LIMK1: variants seen among roughly 807,000 people sequenced by gnomAD.
LIMK1 encodes the protein LIM motif-containing protein kinase.
Under a neutral mutation model 77.6 loss-of-function variants are expected in LIMK1, and 21 were observed. The observed-to-expected ratio is 0.27, with a 90% CI of 0.19 to 0.39. The LOEUF is 0.39. Ranked by LOEUF, LIMK1 falls within the 10% of genes least tolerant of loss-of-function variation. The pLI, the probability that LIMK1 is intolerant of heterozygous loss-of-function variation, is 1.00. For synonymous variants in LIMK1, 358 were observed against 370.0 expected (o/e 0.97, Z 0.37); for missense variants, 696 against 901.6 (o/e 0.77, Z 2.92).
intron 1 of LIMK1, 24 bp from the exon 2 acceptor site, chr7:74,085,724 C>T: frequency 6.5e-7 from 1 of 1,545,532 alleles, no homozygotes; most frequent in Non-Finnish European, 8.7e-7. Flanking sequence ...GAGAATGCTT[C>T]CCAACTCCCT....
intron 2 of LIMK1, chr7:74,093,277 C>T (rs556245372): frequency 3.3e-6 from 5 of 1,536,020 alleles, no homozygotes; most frequent in African/African-American, 1.4e-5. Flanking sequence ...CCCAAGAAGA[C>T]GCCGCTTCCT....
chr7:74,089,222 A>G (rs1213904862), intron 2 of LIMK1, among the ~76,000 whole-genome samples: 1 of 152,168 alleles, frequency 6.6e-6, no homozygotes, highest in Non-Finnish European at 1.5e-5. Context: ...CAGAGTAGGA[A>G]AGGCAGGGGC....
intron 1 of LIMK1, among the ~76,000 whole-genome samples, 182 bp from the exon 2 acceptor site, chr7:74,085,566 A>T (rs1376119580): frequency 6.6e-6 from 1 of 152,330 alleles, no homozygotes; most frequent in Middle Eastern, 3.4e-3. Context: ...TCTCAGCAAG[A>T]CTCAGGCCAG....
chr7:74,087,483 G>C (rs1799155786), intron 2 of LIMK1, among the ~76,000 whole-genome samples: 1 of 152,128 alleles, frequency 6.6e-6, no homozygotes, highest in Admixed American at 6.6e-5. Context: ...CAAGGTTCAG[G>C]GGAGAAAACT....
intron 13 of LIMK1, among the ~76,000 whole-genome samples, chr7:74,119,004 T>G (rs1298972913): frequency 1.3e-5 from 2 of 151,982 alleles, no homozygotes; most frequent in African/African-American, 4.8e-5. Flanking sequence ...CACACCATTC[T>G]CCTGCCTCAG....
chr7:74,099,176 T>C lies in LIMK1; in HGVS notation c.546T>C (p.Ile182=), dbSNP rs2115672015. ...GCAAGCGTGGACTTTCAGTCTCCATTGACCCCCCGCACGGCCCACCGGGCT... is the reference window on the plus strand; with the variant it reads ...GCAAGCGTGGACTTTCAGTCTCCATCGACCCCCCGCACGGCCCACCGGGCT... ...SHGKRGLSVS[I]DPPHGPPGCG... Residue 182 remains isoleucine, a synonymous_variant, in exon 5 of 16, where the codon ATT becomes ATC. Transcript: ENST00000336180. 3 of 1,612,732 alleles carry C rather than the reference T, an allele frequency of 1.9e-6. No homozygotes were observed. The highest frequency in any genetic ancestry group is 1.3e-5 in the African/African-American group (1 of 75,040).
chr7:74,092,502 G>C (rs111893436), intron 2 of LIMK1, among the ~76,000 whole-genome samples: 1 of 152,240 alleles, frequency 6.6e-6, no homozygotes, highest in African/African-American at 2.4e-5. Flanking sequence ...TTGTCACTCC[G>C]GGGCCTGCCC....
At chr7:74,112,983 C>G (rs1799734540) in intron 12 of LIMK1, among the ~76,000 whole-genome samples, 1 of 151,996 alleles carries the variant, frequency 6.6e-6, no homozygotes, top group African/African-American at 2.4e-5. Context: ...GTATTCGTGT[C>G]CTGGGGCTGC....
rs782119868 is a variant in LIMK1, at chr7:74,108,907, G to A, written c.1155G>A (p.Val385=). 1 of 1,613,608 alleles carries A rather than the reference G, an allele frequency of 6.2e-7. No homozygotes were observed. Among genetic ancestry groups the A allele is most frequent in the Admixed American group, 1.7e-5 (1 of 59,988 alleles). Residue 385 remains valine, a splice_region_variant and synonymous_variant, in exon 10 of 16, where the codon GTG becomes GTA. Transcript: ENST00000336180. ...EETQRTFLKE[V]KVMRCLEHPN... ...CCAGCCTGTTTGTGCCCCGCCAGGTGAAGGTCATGCGATGCCTGGAACACC... is the reference window on the plus strand; with the variant it reads ...CCAGCCTGTTTGTGCCCCGCCAGGTAAAGGTCATGCGATGCCTGGAACACC...
rs782222165 is a variant in LIMK1 at position 74,115,852 on chromosome 7, C to T, written c.1461C>T (p.Asp487=). Residue 487 remains aspartate, a synonymous_variant, in exon 13 of 16, where the codon GAC becomes GAT. Coordinates refer to ENST00000336180, the MANE Select transcript of LIMK1 (RefSeq NM_002314.4). ...ADFGLARLMV[D]EKTQPEGLRS... is the part of the protein sequence containing the mutation. ...TCGGGCTGGCGCGTCTCATGGTGGA[C>T]GAGAAGACTCAGCCTGAGGGCCTGC... 64 of 1,613,984 alleles carry T rather than the reference C, an allele frequency of 4.0e-5. No homozygotes were observed. Among genetic ancestry groups the T allele is most frequent in the South Asian group, 2.2e-4 (20 of 91,082 alleles).
At chr7:74,088,080 T>G (rs1554694280) in intron 2 of LIMK1, among the ~76,000 whole-genome samples, 1 of 151,892 alleles carries the variant, frequency 6.6e-6, no homozygotes. Flanking sequence ...CAGCCTGTTT[T>G]TTCTTTTTTA....
chr7:74,087,271 G>A (rs1360105765), intron 2 of LIMK1, among the ~76,000 whole-genome samples: 15 of 152,262 alleles, frequency 9.9e-5, no homozygotes, highest in Non-Finnish European at 1.0e-4. Context: ...GGGCGTGGTG[G>A]CGCATGCCTG....
intron 1 of LIMK1, among the ~76,000 whole-genome samples, chr7:74,084,430 G>A (rs1799092033): frequency 1.3e-5 from 2 of 152,156 alleles, no homozygotes; most frequent in Admixed American, 6.5e-5. Flanking sequence ...GCAGCCCCGG[G>A]TCCCAGTGGC....
chr7:74,096,849 C>G, intron 3 of LIMK1, 89 bp downstream of exon 3: 1 of 1,467,590 alleles, frequency 6.8e-7, no homozygotes. Context: ...CATTGTCTCT[C>G]CTGGTCTCCT....
At chr7:74,105,851 G>C in intron 5 of LIMK1, 24 bp from the exon 6 acceptor site, 1 of 1,592,112 alleles carries the variant, frequency 6.3e-7, no homozygotes, top group Non-Finnish European at 8.6e-7. Context: ...GTGGGCACTG[G>C]CCTGACCCCT....
chr7:74,085,945 C>T (rs1453296809), intron 2 of LIMK1, 101 bp downstream of exon 2: 9 of 829,274 alleles, frequency 1.1e-5, no homozygotes, highest in Non-Finnish European at 1.8e-5. Context: ...CCTCCTGGTG[C>T]CGTCCCCTAT....
At chr7:74,117,274 T>C (rs1393730701) in intron 13 of LIMK1, among the ~76,000 whole-genome samples, 1 of 152,120 alleles carries the variant, frequency 6.6e-6, no homozygotes, top group African/African-American at 2.4e-5. Flanking sequence ...TGCCTTGACC[T>C]TTCAAAGTGC....
intron 5 of LIMK1, among the ~76,000 whole-genome samples, chr7:74,100,804 C>T (rs1016566240): frequency 2.0e-5 from 3 of 149,668 alleles, no homozygotes; most frequent in Non-Finnish European, 4.4e-5. Context: ...GGTGTGGTCT[C>T]GGCTCACTGC....
chr7:74,084,065 T>C lies in LIMK1; in HGVS notation c.55+20T>C. 1.4e-6 allele frequency: 2 copies of C among 1,426,358 alleles called. No individual in the cohort carries two copies. Among genetic ancestry groups the C allele is most frequent in the Admixed American group, 2.3e-5 (1 of 43,766 alleles). 88.4% of individuals were successfully genotyped at this position (1,426,358 alleles called of 1,614,324 possible). On this transcript the variant is annotated intron_variant, in intron 1 of 15. Transcript: ENST00000336180. ...AGGAAGGTGCGCGGGCCGCGGGGTG[T>C]GGGGCGAGGGCCTGGAGGGGGTGCC...
Sources: gnomAD v4.1 joint callset for allele counts (sites outside exome capture counted in the v4.1 genomes callset) on GRCh38, gnomAD v4.1.1 for gene constraint, MANE v1.5 for transcripts, NCBI Gene and HGNC (gene_info 2026-07-23, HGNC 2026-07-21) for gene names.